The following CAPN13 variants were observed in gnomAD, a reference collection of about 807,000 sequenced individuals.
CAPN13 encodes the protein calpain-13.
In CAPN13, 90 loss-of-function variants were observed where a neutral mutation model predicts 98.4. The observed-to-expected ratio is 0.92, with a 90% CI of 0.77 to 1.09. The LOEUF (loss-of-function observed/expected upper bound fraction) is 1.09, where lower values mean the gene tolerates loss of function less well. CAPN13 is among the 50% of genes least tolerant of loss of function. The pLI is 0.00. For synonymous variants in CAPN13, 330 were observed against 305.5 expected (o/e 1.08, Z -0.84); for missense variants, 887 against 841.3 (o/e 1.05, Z -0.67).
chr2:30,787,093 C>T, intron 2 of CAPN13, 35 bp downstream of exon 2: 1 of 1,501,380 alleles, frequency 6.7e-7, no homozygotes, highest in Non-Finnish European at 8.9e-7. Context: ...TCCGAGGACC[C>T]TGGAGCTGGG....
At chr2:30,757,920 G>A in intron 8 of CAPN13, 126 bp downstream of exon 8, 1 of 666,898 alleles carries the variant, frequency 1.5e-6, no homozygotes, top group Non-Finnish European at 2.5e-6. Flanking sequence ...GCCACGTGTA[G>A]GTGTGAGCTG....
At chr2:30,759,705 C>T (rs1558316137) in intron 7 of CAPN13, among the ~76,000 whole-genome samples, 1 of 152,162 alleles carries the variant, frequency 6.6e-6, no homozygotes, top group African/African-American at 2.4e-5. Flanking sequence ...GCTGAGACAG[C>T]GGCGGAGGCA....
intron 15 of CAPN13, among the ~76,000 whole-genome samples, chr2:30,739,505 G>T (rs145802271): frequency 6.6e-6 from 1 of 152,246 alleles, no homozygotes; most frequent in Non-Finnish European, 1.5e-5. Flanking sequence ...TCCTGCCAAT[G>T]CCTGAAGATG....
intron 1 of CAPN13, among the ~76,000 whole-genome samples, chr2:30,795,560 G>A (rs1572883530): frequency 6.6e-6 from 1 of 151,914 alleles, no homozygotes; most frequent in East Asian, 1.9e-4. Flanking sequence ...TCCCTCTCTT[G>A]AGGAATGAAT....
At chr2:30,755,719 G>T (rs1672409564) in intron 8 of CAPN13, among the ~76,000 whole-genome samples, 1 of 152,216 alleles carries the variant, frequency 6.6e-6, no homozygotes, top group East Asian at 1.9e-4. Flanking sequence ...AGGACAGCAA[G>T]GCAGGGGCCA....
intron 19 of CAPN13, among the ~76,000 whole-genome samples, chr2:30,733,122 G>A (rs1671186775): frequency 6.6e-6 from 1 of 152,128 alleles, no homozygotes; most frequent in Non-Finnish European, 1.5e-5. Context: ...ATAAGCTCCA[G>A]GGAGGCACCG....
intron 11 of CAPN13, 67 bp from the exon 12 acceptor site, chr2:30,745,801 A>T: frequency 7.0e-7 from 1 of 1,423,102 alleles, no homozygotes; most frequent in Non-Finnish European, 9.7e-7. Context: ...AGCAGAACCG[A>T]ACAGCTTGGC....
At position 30,731,335 on chromosome 2, in the gene CAPN13, G is replaced by C. The variant is rs990464973; in HGVS notation, c.1983+9C>G. ...CTGTGCCTGCCCCGGGGAGGGGAAG[G>C]TACCTCACCTCCATTTCTGTCAGGT... is the stretch of plus-strand genomic sequence containing the variant. On this transcript the variant is annotated intron_variant, in intron 21 of 22. Transcript: ENST00000295055. 8.1e-6 allele frequency: 13 copies of C among 1,607,840 alleles called. No individual in the cohort carries two copies. The South Asian group carries it at 1.3e-4, about 16-fold the overall frequency.
At chr2:30,741,539 C>T (rs749377110) in intron 15 of CAPN13, 47 of 1,061,964 alleles carry the variant, frequency 4.4e-5, no homozygotes, top group East Asian at 7.7e-5. Flanking sequence ...GGCTAGCTCC[C>T]GGGAGGAACG....
intron 15 of CAPN13, 193 bp downstream of exon 15, chr2:30,741,715 G>A: frequency 2.8e-6 from 4 of 1,438,374 alleles, no homozygotes; most frequent in Non-Finnish European, 3.6e-6. Context: ...ATGACACTGG[G>A]TGGGGCGCCA....
intron 15 of CAPN13, 83 bp from the exon 16 acceptor site, chr2:30,738,540 C>A: frequency 7.1e-7 from 1 of 1,412,154 alleles, no homozygotes; most frequent in Non-Finnish European, 9.8e-7. Flanking sequence ...TAAAAGCACT[C>A]AGATTTCCAA....
rs774702807 is a variant in CAPN13 at position 30,764,266 on chromosome 2, C to T, written c.565G>A (p.Glu189Lys). 23 of 1,613,626 alleles carry T rather than the reference C, an allele frequency of 1.4e-5. No homozygotes were observed. The highest frequency in any genetic ancestry group is 1.3e-4 in the Admixed American group (8 of 59,984). ...CCTGTGAGGTCCACCAGGGCATCCT[C>T]GAGGAAGCCATAGTGCAGATCGGAA... ...SYSDLHYGFL[E>K]DALVDLTGGV... Residue 189 changes from glutamate (E) to lysine (K), a missense_variant, in exon 6 of 23, where the codon GAG (glutamate) becomes AAG (lysine). Physicochemically the swap from Glu to Lys is moderately conservative, Grantham distance 56. Transcript: ENST00000295055.
In CAPN13 at chr2:30,734,482, T is replaced by C. The variant is rs765542829; in HGVS notation, c.1765A>G (p.Ser589Gly). The change falls in exon 19 of 23, where the codon AGC becomes GGC. Residue 589 changes from serine to glycine, a missense_variant. Ser to Gly is a moderately conservative substitution (Grantham distance 56). Transcript: ENST00000295055. ...KVQTSPGVLL[S>G]SDLWKAIENT... ...TCTATGGCCTTCCACAAGTCCGAGC[T>C]CAGGAGGACTCCAGGGCTTGTCTGA... 6.2e-7 allele frequency: 1 copy of C among 1,613,932 alleles called. No individual in the cohort carries two copies. The highest frequency in any genetic ancestry group is 8.5e-7 in the Non-Finnish European group (1 of 1,179,854).
intron 22 of CAPN13, among the ~76,000 whole-genome samples, chr2:30,728,012 G>A (rs1670919618): frequency 6.6e-6 from 1 of 151,844 alleles, no homozygotes; most frequent in African/African-American, 2.4e-5. Context: ...CAACATGGAT[G>A]AATCCTGACA....
intron 11 of CAPN13, among the ~76,000 whole-genome samples, chr2:30,748,231 G>T (rs1296319699): frequency 1.3e-5 from 2 of 152,176 alleles, no homozygotes; most frequent in Non-Finnish European, 2.9e-5. Flanking sequence ...TTCCTTCTCA[G>T]CCTTTCACAA....
In CAPN13 at chr2:30,743,493, G is replaced by A. The variant is rs866882462; in HGVS notation, c.1335C>T (p.Phe445=). The A allele has an allele frequency of 1.2e-6, 2 of 1,614,008 alleles. No homozygotes were observed. The highest frequency in any genetic ancestry group is 1.7e-6 in the Non-Finnish European group (2 of 1,179,876). ...QSSNNKFRRN[F]TMTYHLSPGN... Reference sequence around the variant, plus strand: ...CAGGGCTCAGATGGTAAGTCATGGTGAAGTTGCGGCGGAATTTATTATTTG... The same window carrying A: ...CAGGGCTCAGATGGTAAGTCATGGTAAAGTTGCGGCGGAATTTATTATTTG... Residue 445 remains phenylalanine (F), a synonymous_variant, in exon 13 of 23, where the codon TTC becomes TTT. Transcript: ENST00000295055.
At chr2:30,758,241 T>C (rs555019720) in intron 7 of CAPN13, 104 bp from the exon 8 acceptor site, 21 of 777,382 alleles carry the variant, frequency 2.7e-5, no homozygotes, top group Non-Finnish European at 4.1e-5. Context: ...ATTTAACTTC[T>C]GACCTCATTT....
At chr2:30,743,613 A>G (rs1671765737) in intron 12 of CAPN13, 34 bp from the exon 13 acceptor site, 1 of 1,605,858 alleles carries the variant, frequency 6.2e-7, no homozygotes, top group Non-Finnish European at 8.5e-7. Flanking sequence ...ATTGTGAGAA[A>G]GCCTCCTCTG....
At chr2:30,759,432 G>A (rs1009113253) in intron 7 of CAPN13, among the ~76,000 whole-genome samples, 3 of 152,218 alleles carry the variant, frequency 2.0e-5, no homozygotes, top group South Asian at 2.1e-4. Flanking sequence ...TCAGCATGGC[G>A]AGAGGAATTA....
Sources: gnomAD v4.1 joint callset for allele counts (sites outside exome capture counted in the v4.1 genomes callset) on GRCh38, gnomAD v4.1.1 for gene constraint, MANE v1.5 for transcripts, NCBI Gene and HGNC (gene_info 2026-07-23, HGNC 2026-07-21) for gene names.